The following CIT variants were observed in gnomAD, a reference collection of about 807,000 sequenced individuals.
CIT encodes the protein citron rho-interacting serine/threonine kinase.
In CIT, 79 loss-of-function variants were observed where a neutral mutation model predicts 272.7. The ratio of observed to expected loss-of-function variants is 0.29; its 90% confidence interval spans 0.24 to 0.35. CIT has a LOEUF of 0.35. Ranked by LOEUF, CIT falls within the 10% of genes least tolerant of loss-of-function variation. CIT has a pLI of 1.00. For missense variants in CIT, 1,909 were observed against 2,618.3 expected (o/e 0.73, Z 5.91); for synonymous variants, 948 against 995.6 (o/e 0.95, Z 0.90).
At chr12:119,844,535 G>A (rs1027792170) in intron 5 of CIT, among the ~76,000 whole-genome samples, 2 of 152,094 alleles carry the variant, frequency 1.3e-5, no homozygotes, top group African/African-American at 4.8e-5. Flanking sequence ...AGAATTTGAG[G>A]TTATTCAGAA....
chr12:119,721,233 C>A, intron 29 of CIT, 76 bp downstream of exon 29: 1 of 1,384,224 alleles, frequency 7.2e-7, no homozygotes, highest in South Asian at 1.5e-5. Context: ...TCCCGAAGTG[C>A]TGGGATTACA....
chr12:119,870,754 C>T (rs1376415321), intron 2 of CIT, among the ~76,000 whole-genome samples: 1 of 152,046 alleles, frequency 6.6e-6, no homozygotes, highest in African/African-American at 2.4e-5. Context: ...TTTGTGCTAC[C>T]ATGGCCAAGT....
intron 8 of CIT, among the ~76,000 whole-genome samples, chr12:119,823,623 A>G (rs1266010431): frequency 6.6e-6 from 1 of 152,266 alleles, no homozygotes; most frequent in African/African-American, 2.4e-5. Flanking sequence ...ATGTATGTAC[A>G]TAAAAATATG....
Position 119,742,366 on chromosome 12 carries a change from T to G in CIT, c.2958+45A>C, listed in dbSNP as rs915305796. The G allele has an allele frequency of 2.1e-6, 3 of 1,427,294 alleles. No homozygotes were observed. In the Admixed American group the frequency reaches 6.6e-5, roughly 31 times the overall value. 88.4% of individuals were successfully genotyped at this position (1,427,294 alleles called of 1,614,324 possible). On this transcript the variant is annotated intron_variant, in intron 24 of 47. Coordinates refer to ENST00000392521, the MANE Select transcript of CIT (RefSeq NM_001206999.2). ...AGACGTCCCCTTTTCCTCCTCTGTT[T>G]TAGTTTCATGTTATTTTAATCGTCT...
At chr12:119,751,608 GAAA>G (rs67182916) in intron 23 of CIT, among the ~76,000 whole-genome samples, 1 of 66,094 alleles carries the variant, frequency 1.5e-5, no homozygotes, top group Non-Finnish European at 2.9e-5. Context: ...TCTACAGCTT[GAAA>G]AAAAAAAAAA....
At position 119,728,870 on chromosome 12, in the gene CIT, A is replaced by C. The variant is rs147073740; in HGVS notation, c.3487-264T>G. On this transcript the variant is annotated intron_variant, in intron 27 of 47. Coordinates refer to ENST00000392521, the MANE Select transcript of CIT (RefSeq NM_001206999.2). The surrounding 1 kb of genome is among the most constrained non-coding windows in gnomAD (Gnocchi z 4.3). ...TAGGAGGATAACTGCTCAAGGACTT[A>C]TTTATCTGACATGCTTTGGCTGAAT... is the stretch of plus-strand genomic sequence containing the variant. Among the ~76,000 whole-genome samples, 1 of 152,244 alleles carries C rather than the reference A, an allele frequency of 6.6e-6. No homozygotes were observed. Among genetic ancestry groups the C allele is most frequent in the African/African-American group, 2.4e-5 (1 of 41,466 alleles).
chr12:119,778,769 C>T (rs1242818178), intron 13 of CIT, among the ~76,000 whole-genome samples: 1 of 152,084 alleles, frequency 6.6e-6, no homozygotes, highest in Non-Finnish European at 1.5e-5. Flanking sequence ...AAATGGAACA[C>T]GGGTCTCATT....
chr12:119,739,991 TTAG>T (rs1334278430), intron 24 of CIT, among the ~76,000 whole-genome samples: 2 of 152,186 alleles, frequency 1.3e-5, no homozygotes, highest in African/African-American at 4.8e-5. Context: ...AAACAGAGGC[TTAG>T]TAGGATAATA....
At chr12:119,872,669 G>A (rs1030154619) in intron 2 of CIT, among the ~76,000 whole-genome samples, 1 of 152,194 alleles carries the variant, frequency 6.6e-6, no homozygotes, top group Non-Finnish European at 1.5e-5. Context: ...CAATGGCTAT[G>A]TGGTCAGCCT....
rs112150749 is a variant in CIT, at chr12:119,694,615, G to A, written c.5882+3044C>T. 0.016 allele frequency among the ~76,000 whole-genome samples: 2,363 copies of A among 152,122 alleles called. 54 individuals are homozygous for A. Among genetic ancestry groups the A allele is most frequent in the African/African-American group, 0.053 (2,188 of 41,494 alleles). On this transcript the variant is annotated intron_variant, in intron 46 of 47. Coordinates refer to ENST00000392521, the MANE Select transcript of CIT (RefSeq NM_001206999.2). The surrounding 1 kb of genome is among the most constrained non-coding windows in gnomAD (Gnocchi z 4.5). ...GCCCAGGAGTTCAAGACCAGCCTGG[G>A]CAATGTGGTAAAACCCTGTCTCTAC...
intron 5 of CIT, among the ~76,000 whole-genome samples, chr12:119,847,016 G>A (rs1452818423): frequency 3.3e-5 from 5 of 149,560 alleles, no homozygotes; most frequent in African/African-American, 7.4e-5. Context: ...ACGGAGCCTC[G>A]CTCTGTCACC....
At chr12:119,773,524 C>T (rs368403024) in intron 16 of CIT, among the ~76,000 whole-genome samples, 9 of 152,238 alleles carry the variant, frequency 5.9e-5, no homozygotes, top group East Asian at 1.9e-4. Context: ...CCTCCACCTC[C>T]GGAGGTTCAA....
chr12:119,757,797 G>C (rs1445186268), intron 21 of CIT, among the ~76,000 whole-genome samples: 1 of 152,194 alleles, frequency 6.6e-6, no homozygotes, highest in Non-Finnish European at 1.5e-5. Flanking sequence ...CCAGGAGGAT[G>C]CAAGAGATAC....
rs10699099 is a variant in CIT at position 119,717,838 on chromosome 12, C to CTTTTTTTTT, written c.4168+398_4168+406dup. Among the ~76,000 whole-genome samples the CTTTTTTTTT allele has an allele frequency of 4.7e-4, 38 of 81,330 alleles. 3 individuals carry two copies. The highest frequency in any genetic ancestry group is 1.1e-3 in the East Asian group (3 of 2,670). 53.4% of individuals were successfully genotyped at this position (81,330 alleles called of 152,430 possible). On this transcript the variant is annotated intron_variant, in intron 32 of 47. Transcript: ENST00000392521. ...GGGGAGCCAGGAGACTGACTTCTTT[C>CTTTTTTTTT]TTTTTTTTTTTTTTTTTTTTGAGAT...
intron 17 of CIT, 26 bp downstream of exon 17, chr12:119,772,744 G>A: frequency 6.2e-7 from 1 of 1,600,978 alleles, no homozygotes; most frequent in Non-Finnish European, 8.5e-7. Context: ...GGCCGCTGGG[G>A]CCTGGGCTGG....
intron 8 of CIT, among the ~76,000 whole-genome samples, chr12:119,824,862 G>C (rs1254695061): frequency 6.6e-6 from 1 of 152,106 alleles, no homozygotes; most frequent in East Asian, 1.9e-4. Context: ...ACAGCGGCGC[G>C]ATCTTGGCTC....
intron 19 of CIT, among the ~76,000 whole-genome samples, chr12:119,766,176 C>T (rs1420266590): frequency 2.0e-5 from 3 of 151,900 alleles, no homozygotes; most frequent in Admixed American, 6.6e-5. Context: ...CCATGGCACA[C>T]GTCGTTTACC....
rs1477896752 is a variant in CIT, at chr12:119,690,380, G to A, written c.5957C>T (p.Pro1986Leu). The A allele has an allele frequency of 1.3e-6, 2 of 1,596,930 alleles. No homozygotes were observed. The highest frequency in any genetic ancestry group is 1.7e-5 in the Admixed American group (1 of 59,018). ...CTCTCGCGGGTGGCTGGGGCCTTCG[G>A]GCGGCGCTGGGCTGGAGGCCACGCG... is the stretch of plus-strand genomic sequence containing the variant. ...TKRVASSPAP[P>L]EGPSHPREPS... is the part of the protein sequence containing the mutation. Residue 1986 changes from proline to leucine, a missense_variant, in exon 47 of 48, where the codon CCC (proline) becomes CTC (leucine). Physicochemically the swap from Pro to Leu is moderately conservative, Grantham distance 98 (BLOSUM62 -3). Coordinates refer to ENST00000392521, the MANE Select transcript of CIT (RefSeq NM_001206999.2). The surrounding 1 kb of genome is among the most constrained non-coding windows in gnomAD (Gnocchi z 6.0).
intron 17 of CIT, among the ~76,000 whole-genome samples, chr12:119,772,230 A>G (rs1410015860): frequency 6.6e-6 from 1 of 152,222 alleles, no homozygotes; most frequent in African/African-American, 2.4e-5. Flanking sequence ...TTTATCCTAT[A>G]TTCTTCTGTA....
Sources: allele counts gnomAD v4.1 joint callset (sites outside exome capture counted in the v4.1 genomes callset), GRCh38; gene constraint gnomAD v4.1.1; non-coding constraint Gnocchi (gnomAD v3.1); transcripts MANE v1.5; gene names NCBI Gene and HGNC (gene_info 2026-07-23, HGNC 2026-07-21).